The following RBFOX1 variants were observed in gnomAD, a reference collection of about 807,000 sequenced individuals.
RBFOX1 encodes the protein RNA binding protein fox-1 homolog 1.
Under a neutral mutation model 57.7 loss-of-function variants are expected in RBFOX1, and 8 were observed. The observed-to-expected ratio is 0.14, with a 90% CI of 0.08 to 0.25. The LOEUF (loss-of-function observed/expected upper bound fraction) is 0.25, where lower values mean the gene tolerates loss of function less well. RBFOX1 is among the 10% of genes least tolerant of loss of function. RBFOX1 has a pLI of 1.00. For missense variants in RBFOX1, 611 were observed against 548.5 expected (o/e 1.11, Z -1.14); for synonymous variants, 326 against 222.4 (o/e 1.47, Z -4.15).
At chr16:7,393,478 C>A (rs546821937) in intron 4 of RBFOX1, among the ~76,000 whole-genome samples, 15 of 152,120 alleles carry the variant, frequency 9.9e-5, no homozygotes, top group African/African-American at 3.6e-4. Flanking sequence ...ATTTTCCTAC[C>A]CCATCTGTCT....
intron 1 of RBFOX1, among the ~76,000 whole-genome samples, chr16:6,183,916 T>C (rs931877194): frequency 6.6e-6 from 1 of 152,130 alleles, no homozygotes; most frequent in Non-Finnish European, 1.5e-5. Context: ...GAGGATGTAT[T>C]AGTCCATTTT....
At chr16:5,784,860 C>A (rs1021562426) in intron 3 of RBFOX1, among the ~76,000 whole-genome samples, 1 of 152,136 alleles carries the variant, frequency 6.6e-6, no homozygotes, top group East Asian at 1.9e-4. Context: ...TCACCAGACA[C>A]TGAATCTCCC....
intron 4 of RBFOX1, among the ~76,000 whole-genome samples, chr16:7,115,580 G>A (rs1375222139): frequency 1.3e-5 from 2 of 152,140 alleles, no homozygotes; most frequent in African/African-American, 4.8e-5. Flanking sequence ...TTAGCAGGCT[G>A]GAAGTTTGCT....
In RBFOX1 at chr16:6,012,643, C is replaced by T. The variant is rs139611486; in HGVS notation, c.351+145308C>T. On this transcript the variant is annotated intron_variant, in intron 4 of 19. Coordinates refer to the RBFOX1 transcript ENST00000641259. Reference sequence around the variant, plus strand: ...AAGCTAATGCAAAAAGGGGATGTGTCATCTCATGGAACAGGGAATGCAGCA... The same window carrying T: ...AAGCTAATGCAAAAAGGGGATGTGTTATCTCATGGAACAGGGAATGCAGCA... Among the ~76,000 whole-genome samples the T allele has an allele frequency of 1.8e-3, 279 of 152,306 alleles. 6 individuals are homozygous for T. The highest frequency in any genetic ancestry group is 0.016 in the Admixed American group (252 of 15,304).
chr16:6,741,268 T>G (rs2072015768), intron 3 of RBFOX1, among the ~76,000 whole-genome samples: 1 of 152,098 alleles, frequency 6.6e-6, no homozygotes, highest in South Asian at 2.1e-4. Context: ...CATAAAACTA[T>G]AAAACTTTCA....
At chr16:6,070,375 A>G (rs935401903) in intron 1 of RBFOX1, among the ~76,000 whole-genome samples, 6 of 152,348 alleles carry the variant, frequency 3.9e-5, no homozygotes, top group African/African-American at 7.2e-5. Context: ...GCATTATTTC[A>G]TACACTTCAG....
At chr16:5,769,793 C>G (rs1405377497) in intron 3 of RBFOX1, among the ~76,000 whole-genome samples, 4 of 152,196 alleles carry the variant, frequency 2.6e-5, no homozygotes. Context: ...TCAAACCTGT[C>G]AATACCTTGA....
chr16:6,255,261 C>A (rs894907494), intron 1 of RBFOX1, among the ~76,000 whole-genome samples: 2 of 152,196 alleles, frequency 1.3e-5, no homozygotes, highest in South Asian at 2.1e-4. Flanking sequence ...CACAGAGCCT[C>A]CATTCCCAGG....
chr16:6,453,160 C>A (rs556462382), intron 2 of RBFOX1, among the ~76,000 whole-genome samples: 4 of 152,158 alleles, frequency 2.6e-5, no homozygotes, highest in South Asian at 2.1e-4. Context: ...ATGTACAGAA[C>A]GTGCAAGTTC....
intron 1 of RBFOX1, among the ~76,000 whole-genome samples, chr16:6,199,240 CAG>C (rs1172222920): frequency 2.6e-5 from 4 of 152,230 alleles, no homozygotes; most frequent in African/African-American, 9.6e-5. Context: ...AATTTAAAGT[CAG>C]AGAACCAGCC....
intron 4 of RBFOX1, among the ~76,000 whole-genome samples, chr16:7,101,312 C>T (rs374926891): frequency 1.3e-5 from 2 of 152,030 alleles, no homozygotes; most frequent in African/African-American, 2.4e-5. Context: ...CACACCATTG[C>T]GCTTGGAGAA....
intron 3 of RBFOX1, among the ~76,000 whole-genome samples, chr16:7,013,841 A>G (rs1444984150): frequency 1.3e-5 from 2 of 152,114 alleles, no homozygotes; most frequent in South Asian, 2.1e-4. Context: ...AAAAACTTGT[A>G]GAAATGGGGT....
intron 4 of RBFOX1, among the ~76,000 whole-genome samples, chr16:5,983,876 C>G (rs563269815): frequency 1.4e-5 from 2 of 139,364 alleles, no homozygotes; most frequent in South Asian, 2.5e-4. Context: ...CCTCCTCCTC[C>G]TCCTTCCCTA....
intron 3 of RBFOX1, among the ~76,000 whole-genome samples, chr16:6,827,854 C>T (rs2092344332): frequency 6.6e-6 from 1 of 152,216 alleles, no homozygotes; most frequent in Admixed American, 6.5e-5. Flanking sequence ...CTTCTGTTCC[C>T]CCTCTTAGAG....
chr16:6,593,128 G>T (rs1283994276), intron 2 of RBFOX1, among the ~76,000 whole-genome samples: 1 of 152,144 alleles, frequency 6.6e-6, no homozygotes, highest in East Asian at 1.9e-4. Context: ...GAAGACAGAG[G>T]TTGCAGTGGG....
chr16:5,856,210 T>TAC (rs1299533539), intron 3 of RBFOX1, among the ~76,000 whole-genome samples: 5 of 35,322 alleles, frequency 1.4e-4, no homozygotes, highest in Admixed American at 4.7e-4. Flanking sequence ...TATATATACA[T>TAC]ATATATGTAT....
chr16:7,295,223 G>C (rs1603544141), intron 4 of RBFOX1, among the ~76,000 whole-genome samples: 1 of 152,128 alleles, frequency 6.6e-6, no homozygotes, highest in East Asian at 1.9e-4. Flanking sequence ...GGGCAGAAAG[G>C]TGATGTGTAT....
At chr16:5,861,257 T>C (rs2057206136) in intron 3 of RBFOX1, among the ~76,000 whole-genome samples, 1 of 152,184 alleles carries the variant, frequency 6.6e-6, no homozygotes, top group Admixed American at 6.5e-5. Context: ...TCCCCTTTGA[T>C]ACACGGTTGG....
intron 4 of RBFOX1, among the ~76,000 whole-genome samples, chr16:7,209,368 C>G (rs929014574): frequency 5.3e-5 from 8 of 152,180 alleles, no homozygotes; most frequent in Admixed American, 5.2e-4. Flanking sequence ...ATCTCCTTTT[C>G]TTATAAGGAC....
Sources: gnomAD v4.1 joint callset for allele counts (sites outside exome capture counted in the v4.1 genomes callset) on GRCh38, gnomAD v4.1.1 for gene constraint, MANE v1.5 for transcripts, NCBI Gene and HGNC (gene_info 2026-07-23, HGNC 2026-07-21) for gene names.